Variants in MARCHF1 observed in about 807,000 individuals in gnomAD.
The protein encoded by MARCHF1 is E3 ubiquitin-protein ligase MARCHF1.
MARCHF1 carries 40 observed loss-of-function variants against 54.2 expected under a neutral mutation model. The observed-to-expected ratio is 0.74, with a 90% CI of 0.57 to 0.96. The LOEUF is 0.96. Ranked by LOEUF, MARCHF1 falls within the 40% of genes least tolerant of loss-of-function variation. The pLI, the probability that MARCHF1 is intolerant of heterozygous loss-of-function variation, is 0.00. For missense variants in MARCHF1, 586 were observed against 656.5 expected (o/e 0.89, Z 1.17); for synonymous variants, 236 against 236.3 (o/e 1.00, Z 0.01).
intron 1 of MARCHF1, among the ~76,000 whole-genome samples, chr4:164,348,779 T>C (rs1189573736): frequency 6.6e-6 from 1 of 152,162 alleles, no homozygotes; most frequent in Non-Finnish European, 1.5e-5. Context: ...TAAGTGACCA[T>C]GGCAGGGGGT....
At chr4:164,305,189 C>G (rs769970515) in intron 1 of MARCHF1, among the ~76,000 whole-genome samples, 18 of 152,046 alleles carry the variant, frequency 1.2e-4, no homozygotes, top group Non-Finnish European at 1.6e-4. Flanking sequence ...AAATCCCCAC[C>G]CTATAATGCA....
intron 2 of MARCHF1, among the ~76,000 whole-genome samples, chr4:164,042,602 A>G (rs990884952): frequency 6.6e-6 from 1 of 152,102 alleles, no homozygotes; most frequent in African/African-American, 2.4e-5. Context: ...CAAACCATAT[A>G]TTCTACCCCT....
rs144947817 is a variant in MARCHF1, at chr4:163,696,589, C to G, written c.162+4224G>C. Among the ~76,000 whole-genome samples, 393 of 152,244 alleles carry G rather than the reference C, an allele frequency of 2.6e-3. 2 individuals carry two copies. The highest frequency in any genetic ancestry group is 8.9e-3 in the African/African-American group (370 of 41,556). ...CTCACATAGATTGAGATTGTATGAC[C>G]TTTATGACTAGACTGAAGATAATGC... On this transcript the variant is annotated intron_variant, in intron 5 of 9. Coordinates refer to ENST00000514618, the MANE Select transcript of MARCHF1 (RefSeq NM_001394959.1).
intron 2 of MARCHF1, among the ~76,000 whole-genome samples, chr4:164,018,242 A>AT (rs200117110): frequency 9.7e-4 from 147 of 151,282 alleles, no homozygotes; most frequent in South Asian, 2.1e-3. Context: ...GGCTAAGTAA[A>AT]TTTTTTTTTG....
At chr4:164,198,433 T>C (rs1731344406) in intron 1 of MARCHF1, among the ~76,000 whole-genome samples, 1 of 152,232 alleles carries the variant, frequency 6.6e-6, no homozygotes, top group Non-Finnish European at 1.5e-5. Flanking sequence ...GACATTTATG[T>C]TTTTAATGAG....
chr4:164,138,256 CT>C (rs929368038), intron 1 of MARCHF1, among the ~76,000 whole-genome samples: 72 of 140,410 alleles, frequency 5.1e-4, no homozygotes, highest in South Asian at 4.5e-4. Context: ...CGTTAAGTTT[CT>C]TTTTTTTTTT....
At chr4:163,934,369 G>C (rs1751747607) in intron 3 of MARCHF1, among the ~76,000 whole-genome samples, 1 of 151,564 alleles carries the variant, frequency 6.6e-6, no homozygotes, top group African/African-American at 2.4e-5. Flanking sequence ...GACAAACCTG[G>C]GCAACATAGA....
At chr4:163,857,787 T>G (rs982096842) in intron 3 of MARCHF1, among the ~76,000 whole-genome samples, 1 of 152,164 alleles carries the variant, frequency 6.6e-6, no homozygotes, top group South Asian at 2.1e-4. Flanking sequence ...CTGAACATTT[T>G]CTTTGTTCCA....
chr4:163,628,107 G>A (rs1353706558), intron 5 of MARCHF1, among the ~76,000 whole-genome samples: 1 of 152,042 alleles, frequency 6.6e-6, no homozygotes, highest in African/African-American at 2.4e-5. Context: ...TAAAAAAATT[G>A]TTGTTTGAAA....
chr4:164,304,844 C>T (rs1734656984), intron 1 of MARCHF1, among the ~76,000 whole-genome samples: 2 of 152,040 alleles, frequency 1.3e-5, no homozygotes, highest in Non-Finnish European at 2.9e-5. Flanking sequence ...GGAGGTTTTA[C>T]GTTTGTTTGT....
At chr4:163,942,381 G>A (rs529885513) in intron 3 of MARCHF1, among the ~76,000 whole-genome samples, 2 of 152,170 alleles carry the variant, frequency 1.3e-5, no homozygotes, top group African/African-American at 2.4e-5. Context: ...ATTATAGCTC[G>A]TCAAGTCTTA....
intron 1 of MARCHF1, among the ~76,000 whole-genome samples, chr4:164,261,209 C>T (rs1274671040): frequency 1.3e-5 from 2 of 152,126 alleles, no homozygotes; most frequent in African/African-American, 4.8e-5. Flanking sequence ...CTTCTCACCT[C>T]TAGAATTGTG....
At chr4:164,153,475 G>C (rs889170396) in intron 1 of MARCHF1, among the ~76,000 whole-genome samples, 3 of 152,010 alleles carry the variant, frequency 2.0e-5, no homozygotes, top group African/African-American at 7.2e-5. Flanking sequence ...TAGCCAGACT[G>C]TCACTCACAC....
chr4:164,145,418 C>G (rs1472523484), intron 1 of MARCHF1, among the ~76,000 whole-genome samples: 3 of 151,964 alleles, frequency 2.0e-5, no homozygotes, highest in Non-Finnish European at 4.4e-5. Context: ...ATGCAAAAAT[C>G]CTCAGTATAA....
intron 3 of MARCHF1, among the ~76,000 whole-genome samples, chr4:163,861,321 T>A (rs1382966273): frequency 6.6e-6 from 1 of 152,080 alleles, no homozygotes; most frequent in East Asian, 1.9e-4. Context: ...GTATAATTTT[T>A]AAATTTGTAA....
Position 163,895,059 on chromosome 4 carries a change from G to A in MARCHF1, c.-38-40890C>T, listed in dbSNP as rs537686680. ...ACACATATACATATATGCATGTGAT[G>A]CATAAATATGCATGTGATGCATATA... On this transcript the variant is annotated intron_variant, in intron 3 of 9. Coordinates refer to ENST00000514618, the MANE Select transcript of MARCHF1 (RefSeq NM_001394959.1). Among the ~76,000 whole-genome samples the A allele has an allele frequency of 1.1e-3, 165 of 149,588 alleles. 1 individual carries two copies. The highest frequency in any genetic ancestry group is 1.8e-3 in the Non-Finnish European group (123 of 67,276).
At chr4:163,651,703 T>G (rs1249447696) in intron 5 of MARCHF1, among the ~76,000 whole-genome samples, 2 of 151,854 alleles carry the variant, frequency 1.3e-5, no homozygotes, top group African/African-American at 4.8e-5. Context: ...TCATGATGTC[T>G]TTCCCTTTAC....
At chr4:163,803,285 C>T (rs932717014) in intron 4 of MARCHF1, among the ~76,000 whole-genome samples, 1 of 152,026 alleles carries the variant, frequency 6.6e-6, no homozygotes, top group Admixed American at 6.6e-5. Flanking sequence ...GTGGTTCTCC[C>T]GCCTCAACCT....
intron 2 of MARCHF1, among the ~76,000 whole-genome samples, chr4:164,053,320 T>C (rs1255594699): frequency 6.6e-6 from 1 of 152,218 alleles, no homozygotes; most frequent in African/African-American, 2.4e-5. Context: ...TTTTGACCTG[T>C]AATGTTGTTT....
Sources: gnomAD v4.1 joint callset for allele counts (sites outside exome capture counted in the v4.1 genomes callset) on GRCh38, gnomAD v4.1.1 for gene constraint, MANE v1.5 for transcripts, NCBI Gene and HGNC (gene_info 2026-07-23, HGNC 2026-07-21) for gene names.